SLC6A7: variants seen among roughly 807,000 people sequenced by gnomAD.
The protein encoded by SLC6A7 is sodium-dependent proline transporter.
In SLC6A7, 58 loss-of-function variants were observed where a neutral mutation model predicts 73.1. That is an observed-to-expected ratio of 0.79 (90% confidence interval 0.64 to 0.99). SLC6A7 has a LOEUF of 0.99. Among genes scored for constraint, SLC6A7 ranks in the 50% least tolerant of loss-of-function variants. SLC6A7 has a pLI of 0.00. For synonymous variants in SLC6A7, 338 were observed against 338.7 expected (o/e 1.00, Z 0.02); for missense variants, 783 against 831.4 (o/e 0.94, Z 0.72).
intron 4 of SLC6A7, among the ~76,000 whole-genome samples, chr5:150,198,102 A>G (rs868721409): frequency 0.036 from 3,844 of 107,744 alleles, 136 homozygotes; most frequent in African/African-American, 0.063. Context: ...AAAGAAAGAA[A>G]GAAAGAAAGA....
chr5:150,198,093 AAGAAAGAAAGAAAGAAAGAAAG>A (rs1243964313), intron 4 of SLC6A7, among the ~76,000 whole-genome samples: 1 of 106,472 alleles, frequency 9.4e-6, no homozygotes, highest in Non-Finnish European at 2.1e-5. Context: ...GAAAGAAAGA[AAGAAAGAAAGAAAGAAAGAAAG>A]AGAAAGAAAG....
In SLC6A7 at chr5:150,194,810, A is replaced by C; in HGVS notation, c.116A>C (p.Asn39Thr). Reference protein sequence around the residue: ...LDVDFAAHRGNWTGKLDFLLS... With the variant: ...LDVDFAAHRGTWTGKLDFLLS... The stretch of plus-strand genomic sequence containing the variant: ...GTGGACTTTGCTGCACACCGGGGGA[A>C]CTGGACAGGCAAGCTGGACTTCCTG... The change falls in exon 2 of 14, where the codon AAC becomes ACC. Residue 39 changes from asparagine (N) to threonine (T), a missense_variant. Asn to Thr is a moderately conservative substitution (Grantham distance 65). Coordinates refer to ENST00000230671, the MANE Select transcript of SLC6A7 (RefSeq NM_014228.5). 1 of 1,614,088 alleles carries C rather than the reference A, an allele frequency of 6.2e-7. No individual in the cohort carries two copies. The highest frequency in any genetic ancestry group is 8.5e-7 in the Non-Finnish European group (1 of 1,179,968).
chr5:150,190,572 T>G (rs1267632842), intron 1 of SLC6A7, among the ~76,000 whole-genome samples: 1 of 152,138 alleles, frequency 6.6e-6, no homozygotes, highest in Non-Finnish European at 1.5e-5. Flanking sequence ...GGATGTAGTA[T>G]GAGGGGAGTC....
chr5:150,197,691 C>A (rs925595117), intron 4 of SLC6A7, among the ~76,000 whole-genome samples: 2 of 152,128 alleles, frequency 1.3e-5, no homozygotes, highest in South Asian at 4.1e-4. Flanking sequence ...GGTAACAGTA[C>A]CTGCTTCATA....
intron 6 of SLC6A7, 77 bp downstream of exon 6, chr5:150,201,300 C>A: frequency 1.8e-6 from 2 of 1,124,474 alleles, no homozygotes; most frequent in Non-Finnish European, 2.5e-6. Context: ...CCCTGGGACA[C>A]CGCAGTACCA....
chr5:150,197,618 T>C (rs946167397), intron 4 of SLC6A7, among the ~76,000 whole-genome samples: 1 of 151,820 alleles, frequency 6.6e-6, no homozygotes, highest in African/African-American at 2.4e-5. Context: ...AGAATGATGA[T>C]GATGATGATA....
intron 4 of SLC6A7, among the ~76,000 whole-genome samples, chr5:150,198,978 G>A (rs1024344846): frequency 3.3e-5 from 5 of 152,088 alleles, no homozygotes; most frequent in African/African-American, 1.2e-4. Context: ...GAAGGAAGAA[G>A]AGGAAGGGTG....
rs760915065 is a variant in SLC6A7 at position 150,205,633 on chromosome 5, C to T, written c.1701+10C>T. On this transcript the variant is annotated intron_variant, in intron 13 of 13. Transcript: ENST00000230671. ...GGGCTCACTCTGGGAGGTGAGTCTG[C>T]CCACCCTGTCCACTCTCAGCCTTCC... 2 of 1,596,102 alleles carry T rather than the reference C, an allele frequency of 1.3e-6. No homozygotes were observed. The highest frequency in any genetic ancestry group is 2.2e-5 in the East Asian group (1 of 44,626).
intron 5 of SLC6A7, among the ~76,000 whole-genome samples, chr5:150,200,437 G>T (rs1753315860): frequency 6.6e-6 from 1 of 152,168 alleles, no homozygotes; most frequent in Non-Finnish European, 1.5e-5. Context: ...TAGTTGCAGT[G>T]AGCCAAGATT....
At chr5:150,194,432 T>TAAAA (rs57988226) in intron 1 of SLC6A7, among the ~76,000 whole-genome samples, 1 of 124,358 alleles carries the variant, frequency 8.0e-6, no homozygotes, top group African/African-American at 2.9e-5. Context: ...CTTTCTCAAT[T>TAAAA]AAAAAAAAAA....
chr5:150,201,334 C>T (rs549272662), intron 6 of SLC6A7, 111 bp downstream of exon 6: 9 of 597,462 alleles, frequency 1.5e-5, no homozygotes, highest in Non-Finnish European at 2.4e-5. Flanking sequence ...GCCCTTCTTG[C>T]GTCTTTTTTA....
At position 150,204,861 on chromosome 5, in the gene SLC6A7, G is replaced by A; in HGVS notation, c.1467G>A (p.Met489Ile). The A allele has an allele frequency of 6.2e-7, 1 of 1,613,582 alleles. No homozygotes were observed. Among genetic ancestry groups the A allele is most frequent in the Non-Finnish European group, 8.5e-7 (1 of 1,179,606 alleles). Residue 489 changes from methionine (M) to isoleucine (I), a missense_variant, in exon 12 of 14, where the codon ATG becomes ATA. By Grantham distance (10) the Met-to-Ile change is conservative. Transcript: ENST00000230671. The stretch of plus-strand genomic sequence containing the variant: ...GGTTCTGCCGAGACATCCACATGAT[G>A]CTGGGCTTCAAGCCGGGCCTCTACT... ...IQRFCRDIHM[M>I]LGFKPGLYFR... is the part of the protein sequence containing the mutation.
intron 10 of SLC6A7, 151 bp downstream of exon 10, chr5:150,204,189 AG>A (rs1414558866): frequency 2.6e-5 from 21 of 796,740 alleles, no homozygotes; most frequent in Non-Finnish European, 3.9e-5. Flanking sequence ...CTCCCAAGGG[AG>A]GCAGTTTGGC....
intron 1 of SLC6A7, among the ~76,000 whole-genome samples, chr5:150,191,493 T>C (rs1476277223): frequency 4.6e-5 from 7 of 151,474 alleles, no homozygotes; most frequent in African/African-American, 7.3e-5. Flanking sequence ...TGCAGTGGTG[T>C]GATCTCGGCT....
rs1194264809 is a variant in SLC6A7 at position 150,192,360 on chromosome 5, GT to G, written c.33+2001del. On this transcript the variant is annotated intron_variant, in intron 1 of 13. Transcript: ENST00000230671. ...TTGAGTCTCCCAGCCCCTGCTGTGAGTCCCTAAAGGCGAGCATGCAGGTCTG... is the reference window on the plus strand; with the variant it reads ...TTGAGTCTCCCAGCCCCTGCTGTGAGCCCTAAAGGCGAGCATGCAGGTCTG... Among the ~76,000 whole-genome samples the G allele has an allele frequency of 2.6e-5, 4 of 152,192 alleles. No individual in the cohort carries two copies. In the East Asian group the frequency reaches 7.7e-4, roughly 29 times the overall value.
rs1278014348 is a variant in SLC6A7 at position 150,199,174 on chromosome 5, T to C, written c.585-54T>C. Reference sequence around the variant, plus strand: ...GGGCTGGACATGGCTTGACTCCATGTCTGTGGAGCCTGGTGGGGTGACCAG... The same window carrying C: ...GGGCTGGACATGGCTTGACTCCATGCCTGTGGAGCCTGGTGGGGTGACCAG... On this transcript the variant is annotated intron_variant, in intron 4 of 13. Transcript: ENST00000230671. The C allele has an allele frequency of 2.0e-6, 3 of 1,519,108 alleles. No homozygotes were observed. In the African/African-American group the frequency reaches 4.1e-5, roughly 21 times the overall value. 94.1% of individuals were successfully genotyped at this position (1,519,108 alleles called of 1,614,324 possible).
intron 1 of SLC6A7, among the ~76,000 whole-genome samples, chr5:150,193,486 C>G (rs527845785): frequency 6.6e-6 from 1 of 151,884 alleles, no homozygotes; most frequent in Non-Finnish European, 1.5e-5. Flanking sequence ...TGGGGTTTGA[C>G]CCCCCCAGCC....
chr5:150,199,598 A>G (rs941777535), intron 5 of SLC6A7, among the ~76,000 whole-genome samples: 2 of 152,226 alleles, frequency 1.3e-5, no homozygotes, highest in Non-Finnish European at 2.9e-5. Context: ...GGCAGGGTCT[A>G]CATTCAGCTG....
rs747707039 is a variant in SLC6A7 at position 150,204,595 on chromosome 5, G to T, written c.1396G>T (p.Val466Phe). 6.2e-7 allele frequency: 1 copy of T among 1,613,378 alleles called. No individual in the cohort carries two copies. Among genetic ancestry groups the T allele is most frequent in the South Asian group, 1.1e-5 (1 of 91,068 alleles). Residue 466 changes from valine (V) to phenylalanine (F), a missense_variant, in exon 11 of 14, where the codon GTT becomes TTT. Coordinates refer to ENST00000230671, the MANE Select transcript of SLC6A7 (RefSeq NM_014228.5). ...YSASFGLMVV[V>F]ITTCLAVTRV... ...CGCCAGCTTCGGGCTGATGGTGGTG[G>T]TTATCACCACGTGCCTTGCCGTGAC...
Sources: allele counts gnomAD v4.1 joint callset (sites outside exome capture counted in the v4.1 genomes callset), GRCh38; gene constraint gnomAD v4.1.1; transcripts MANE v1.5; gene names NCBI Gene and HGNC (gene_info 2026-07-23, HGNC 2026-07-21).